DPYD: variants seen among roughly 807,000 people sequenced by gnomAD.
DPYD encodes the protein dihydropyrimidine dehydrogenase.
Under a neutral mutation model 116.2 loss-of-function variants are expected in DPYD, and 109 were observed. The ratio of observed to expected loss-of-function variants is 0.94; its 90% CI spans 0.80 to 1.10. DPYD has a LOEUF of 1.10. DPYD is among the 50% of genes least tolerant of loss of function. DPYD has a pLI of 0.00. For missense variants in DPYD, 1,302 were observed against 1,254.5 expected, an observed-to-expected ratio of 1.04 and a Z score of -0.57; for synonymous variants, 440 against 432.0, an observed-to-expected ratio of 1.02 and a Z score of -0.23.
intron 18 of DPYD, among the ~76,000 whole-genome samples, chr1:97,249,946 G>A (rs533433168): frequency 3.3e-5 from 5 of 152,198 alleles, no homozygotes; most frequent in South Asian, 4.1e-4. Context: ...GGAACAAAAC[G>A]AACTCTCACA....
At chr1:97,316,097 A>T (rs551939749) in intron 16 of DPYD, among the ~76,000 whole-genome samples, 3 of 152,022 alleles carry the variant, frequency 2.0e-5, no homozygotes, top group African/African-American at 7.2e-5. Context: ...AGACAAAATT[A>T]TCCATCAAGG....
chr1:97,525,424 T>A (rs943917022), intron 12 of DPYD, among the ~76,000 whole-genome samples: 5 of 152,178 alleles, frequency 3.3e-5, no homozygotes, highest in Non-Finnish European at 7.3e-5. Flanking sequence ...TGCTTCCTAA[T>A]CGTACTCTGT....
At chr1:97,751,572 T>C (rs1322032128) in intron 3 of DPYD, among the ~76,000 whole-genome samples, 2 of 146,102 alleles carry the variant, frequency 1.4e-5, no homozygotes, top group East Asian at 4.1e-4. Flanking sequence ...CATATCAGCC[T>C]GGGCAACATA....
At chr1:97,293,888 C>T (rs965372868) in intron 18 of DPYD, among the ~76,000 whole-genome samples, 1 of 152,030 alleles carries the variant, frequency 6.6e-6, no homozygotes, top group African/African-American at 2.4e-5. Context: ...GTGGAGGTTG[C>T]AGTGAGCAGA....
chr1:97,856,802 A>G (rs1412715386), intron 2 of DPYD: 1 of 152,242 alleles, frequency 6.6e-6, no homozygotes, highest in Non-Finnish European at 1.5e-5. Flanking sequence ...CTCCCTCCTG[A>G]CATAGGAGGT....
intron 14 of DPYD, among the ~76,000 whole-genome samples, chr1:97,446,807 T>A (rs1379422397): frequency 6.6e-6 from 1 of 152,164 alleles, no homozygotes; most frequent in East Asian, 1.9e-4. Flanking sequence ...AGGATTCACT[T>A]TAAACTGACT....
intron 1 of DPYD, among the ~76,000 whole-genome samples, chr1:97,918,123 C>A (rs2101721871): frequency 6.6e-6 from 1 of 152,282 alleles, no homozygotes; most frequent in African/African-American, 2.4e-5. Flanking sequence ...CATATAACTA[C>A]TATTAACGGA....
intron 20 of DPYD, among the ~76,000 whole-genome samples, chr1:97,115,251 C>T (rs1248966846): frequency 6.6e-6 from 1 of 152,176 alleles, no homozygotes; most frequent in Admixed American, 6.6e-5. Context: ...TCTTCCCTTG[C>T]TTTGACTTGT....
intron 16 of DPYD, among the ~76,000 whole-genome samples, chr1:97,370,915 T>C (rs888604442): frequency 6.6e-6 from 1 of 152,160 alleles, no homozygotes; most frequent in Non-Finnish European, 1.5e-5. Context: ...GAATACACAA[T>C]GCAATTTCCC....
At chr1:97,707,717 G>T (rs1662058287) in intron 5 of DPYD, among the ~76,000 whole-genome samples, 1 of 151,748 alleles carries the variant, frequency 6.6e-6, no homozygotes, top group Non-Finnish European at 1.5e-5. Flanking sequence ...TAGTATAGTG[G>T]TATCCCGTTG....
At chr1:97,273,199 C>T (rs1570399442) in intron 18 of DPYD, among the ~76,000 whole-genome samples, 1 of 152,010 alleles carries the variant, frequency 6.6e-6, no homozygotes, top group African/African-American at 2.4e-5. Context: ...GTCAAATTTG[C>T]TAATAGTATC....
intron 3 of DPYD, among the ~76,000 whole-genome samples, chr1:97,742,321 C>G (rs1664311331): frequency 6.6e-6 from 1 of 152,076 alleles, no homozygotes; most frequent in Non-Finnish European, 1.5e-5. Flanking sequence ...ATTGTCTGAA[C>G]CAATTTCTCA....
intron 12 of DPYD, among the ~76,000 whole-genome samples, chr1:97,521,662 T>C (rs1243832922): frequency 6.6e-6 from 1 of 152,066 alleles, no homozygotes; most frequent in East Asian, 1.9e-4. Flanking sequence ...CAAACTATAC[T>C]ACAAGGCTAC....
intron 3 of DPYD, among the ~76,000 whole-genome samples, chr1:97,825,231 A>G (rs1295671921): frequency 6.6e-6 from 1 of 152,156 alleles, no homozygotes; most frequent in Non-Finnish European, 1.5e-5. Flanking sequence ...GGATACTGAC[A>G]AGAAACCAGA....
chr1:97,716,753 G>C (rs914893469), intron 5 of DPYD, among the ~76,000 whole-genome samples: 2 of 151,996 alleles, frequency 1.3e-5, no homozygotes, highest in Non-Finnish European at 2.9e-5. Context: ...CACATTCTTT[G>C]TACAATTATT....
intron 3 of DPYD, among the ~76,000 whole-genome samples, chr1:97,817,620 ATCTAT>A (rs1264032795): frequency 2.6e-5 from 4 of 152,098 alleles, no homozygotes; most frequent in Non-Finnish European, 4.4e-5. Context: ...TTATCTGTAA[ATCTAT>A]TCTATTAGTC....
intron 13 of DPYD, among the ~76,000 whole-genome samples, chr1:97,459,903 C>G (rs1279698858): frequency 6.6e-6 from 1 of 152,026 alleles, no homozygotes; most frequent in Non-Finnish European, 1.5e-5. Flanking sequence ...TTTAGAAATA[C>G]ATTATGTGAA....
At chr1:97,516,470 G>A (rs750455570) in intron 12 of DPYD, among the ~76,000 whole-genome samples, 4 of 151,908 alleles carry the variant, frequency 2.6e-5, no homozygotes, top group Non-Finnish European at 5.9e-5. Flanking sequence ...CAGGAAGACT[G>A]GAAAATTCAG....
At chr1:97,242,939 T>C (rs1376242323) in intron 18 of DPYD, among the ~76,000 whole-genome samples, 2 of 151,720 alleles carry the variant, frequency 1.3e-5, no homozygotes, top group African/African-American at 2.4e-5. Flanking sequence ...TGAAGGATAA[T>C]CATGAAAAAA....
Sources: gnomAD v4.1 joint callset for allele counts (sites outside exome capture counted in the v4.1 genomes callset) on GRCh38, gnomAD v4.1.1 for gene constraint, MANE v1.5 for transcripts, NCBI Gene and HGNC (gene_info 2026-07-23, HGNC 2026-07-21) for gene names.